Variants in GRM7 observed in about 807,000 individuals in gnomAD.
GRM7 encodes metabotropic glutamate receptor 7.
A neutral mutation model predicts 84.5 loss-of-function variants in GRM7; 35 were observed. That is an observed-to-expected ratio of 0.41 (90% CI 0.32 to 0.55). GRM7 has a LOEUF of 0.55. GRM7 is among the 20% of genes least tolerant of loss of function. The probability of loss-of-function intolerance (pLI) is 0.19; values close to 1 mark genes in which losing one functional copy is unlikely to be tolerated. For missense variants in GRM7, 1,003 were observed against 1,194.6 expected (o/e 0.84, Z 2.36); for synonymous variants, 487 against 455.1 (o/e 1.07, Z -0.89).
chr3:7,440,183 A>T (rs564545432), intron 5 of GRM7, among the ~76,000 whole-genome samples: 93 of 152,274 alleles, frequency 6.1e-4, no homozygotes, highest in African/African-American at 2.1e-3. Context: ...ATTTCTGAGA[A>T]TGTTCTAGAG....
chr3:7,345,436 T>C (rs1692847536), intron 4 of GRM7, among the ~76,000 whole-genome samples: 1 of 151,980 alleles, frequency 6.6e-6, no homozygotes, highest in African/African-American at 2.4e-5. Flanking sequence ...CCCGCCACCA[T>C]GCCTGGCTTA....
intron 8 of GRM7, among the ~76,000 whole-genome samples, chr3:7,620,048 C>T (rs1697283213): frequency 6.6e-6 from 1 of 152,106 alleles, no homozygotes; most frequent in Non-Finnish European, 1.5e-5. Flanking sequence ...TGTCCATGTG[C>T]TTACTTGCCT....
intron 4 of GRM7, among the ~76,000 whole-genome samples, chr3:7,351,361 A>AAAC (rs1388226999): frequency 6.7e-6 from 1 of 149,176 alleles, no homozygotes; most frequent in Admixed American, 6.7e-5. Context: ...AAAAAAAAAA[A>AAAC]AACAACTGAC....
chr3:7,595,615 G>A (rs1031438567), intron 8 of GRM7, among the ~76,000 whole-genome samples: 7 of 152,088 alleles, frequency 4.6e-5, no homozygotes, highest in African/African-American at 1.7e-4. Flanking sequence ...GAGAGTGAGA[G>A]GGCGGTCAGG....
At chr3:7,513,877 T>A (rs1462669532) in intron 7 of GRM7, among the ~76,000 whole-genome samples, 1 of 152,246 alleles carries the variant, frequency 6.6e-6, no homozygotes, top group Non-Finnish European at 1.5e-5. Flanking sequence ...GTATTTCTTT[T>A]ATTGCACTTC....
intron 2 of GRM7, among the ~76,000 whole-genome samples, chr3:7,169,270 A>G (rs1381877918): frequency 6.6e-6 from 1 of 152,204 alleles, no homozygotes; most frequent in Non-Finnish European, 1.5e-5. Flanking sequence ...ATTTCATTCT[A>G]TACCACAGTG....
At chr3:7,259,154 A>G (rs73809043) in intron 2 of GRM7, among the ~76,000 whole-genome samples, 2,810 of 152,322 alleles carry the variant, frequency 0.018, 79 homozygotes, top group African/African-American at 0.064. Flanking sequence ...TTTGGCCAGC[A>G]TGCCAAACAC....
At chr3:6,917,466 C>A (rs536417201) in intron 1 of GRM7, among the ~76,000 whole-genome samples, 1 of 146,064 alleles carries the variant, frequency 6.8e-6, no homozygotes, top group Admixed American at 6.9e-5. Context: ...CCTAGGAAAA[C>A]TGGAAATCAA....
chr3:7,637,275 T>C (rs1193493317), intron 8 of GRM7, among the ~76,000 whole-genome samples: 2 of 152,178 alleles, frequency 1.3e-5, no homozygotes, highest in African/African-American at 2.4e-5. Flanking sequence ...TCACAAAGTG[T>C]TGGGACTTTA....
chr3:7,435,679 G>GTTTTTTTTT (rs71066011), intron 5 of GRM7, among the ~76,000 whole-genome samples: 1 of 88,552 alleles, frequency 1.1e-5, no homozygotes, highest in African/African-American at 4.8e-5. Context: ...CATCCGGCTA[G>GTTTTTTTTT]TTTTTTTTTT....
chr3:7,229,611 G>C (rs997003381), intron 2 of GRM7, among the ~76,000 whole-genome samples: 14 of 150,266 alleles, frequency 9.3e-5, no homozygotes, highest in African/African-American at 3.2e-4. Context: ...AAGAATAACG[G>C]AAGGGTAAAT....
intron 1 of GRM7, among the ~76,000 whole-genome samples, chr3:6,907,834 C>T (rs1696634489): frequency 6.6e-6 from 1 of 152,098 alleles, no homozygotes; most frequent in Non-Finnish European, 1.5e-5. Context: ...TTCTTCAGGG[C>T]AAGCACACTT....
intron 1 of GRM7, among the ~76,000 whole-genome samples, chr3:6,883,738 A>G (rs1021499283): frequency 6.6e-6 from 1 of 152,230 alleles, no homozygotes; most frequent in African/African-American, 2.4e-5. Context: ...GTGAGTGGTT[A>G]TGGGAGCAGG....
intron 1 of GRM7, among the ~76,000 whole-genome samples, chr3:6,905,234 T>G (rs1386131749): frequency 6.6e-6 from 1 of 152,216 alleles, no homozygotes; most frequent in Non-Finnish European, 1.5e-5. Flanking sequence ...CGTTGTCTCA[T>G]CCTTAACTAG....
intron 4 of GRM7, among the ~76,000 whole-genome samples, chr3:7,324,810 C>T (rs1043255424): frequency 1.3e-5 from 2 of 152,058 alleles, no homozygotes; most frequent in African/African-American, 2.4e-5. Flanking sequence ...GAGTCATAGA[C>T]AAATCTCCAA....
intron 1 of GRM7, among the ~76,000 whole-genome samples, chr3:6,972,372 G>A (rs1006580898): frequency 4.6e-5 from 7 of 152,124 alleles, no homozygotes; most frequent in African/African-American, 9.6e-5. Flanking sequence ...GTGTTTCTTC[G>A]TCTTCTGATA....
chr3:7,499,822 T>C (rs1040678812), intron 7 of GRM7, among the ~76,000 whole-genome samples: 1 of 151,486 alleles, frequency 6.6e-6, no homozygotes, highest in Non-Finnish European at 1.5e-5. Flanking sequence ...TCGCCCAGGC[T>C]GGAGTGCAGT....
chr3:6,861,969 A>C lies in GRM7; in HGVS notation c.519+62A>C. 1 of 1,441,038 alleles carries C rather than the reference A, an allele frequency of 6.9e-7. No homozygotes were observed. Among genetic ancestry groups the C allele is most frequent in the Non-Finnish European group, 9.5e-7 (1 of 1,053,414 alleles). The allele number at this position is 1,441,038 out of a possible 1,614,324, so 89.3% of individuals were successfully genotyped here. ...GGCTACCTGCGCCCTTAACCCTAAA[A>C]GCTGGCTTGGACTCCGGTGGTGCGG... On this transcript the variant is annotated intron_variant, in intron 1 of 9. Coordinates refer to ENST00000357716, the MANE Select transcript of GRM7 (RefSeq NM_000844.4). This position sits in a 1 kb window ranked among gnomAD's most constrained non-coding sequence, Gnocchi z 6.4.
rs375075667 is a variant in GRM7, at chr3:6,861,413, C to A, written c.25C>A (p.Arg9Ser). 2 of 1,593,444 alleles carry A rather than the reference C, an allele frequency of 1.3e-6. No individual in the cohort carries two copies. The highest frequency in any genetic ancestry group is 1.7e-6 in the Non-Finnish European group (2 of 1,172,370). MVQLRKLL[R>S]VLTLMKFPCC... is the part of the protein sequence containing the mutation. ...CATGGTCCAGCTGAGGAAGCTGCTC[C>A]GCGTCCTGACTTTGATGAAGTTCCC... is the stretch of plus-strand genomic sequence containing the variant. Residue 9 changes from arginine (R) to serine (S), a missense_variant, in exon 1 of 10, where the codon CGC becomes AGC. Around this residue, in one of 2 missense-constraint regions of GRM7, gnomAD observed 93 missense variants for 68.6 expected, o/e 1.36. Transcript: ENST00000357716. This position sits in a 1 kb window ranked among gnomAD's most constrained non-coding sequence, Gnocchi z 6.4.
Sources: gnomAD v4.1 joint callset for allele counts (sites outside exome capture counted in the v4.1 genomes callset) on GRCh38, gnomAD v4.1.1 for gene constraint, gnomAD v4.1.1 regional missense constraint, Gnocchi (gnomAD v3.1) non-coding constraint, MANE v1.5 for transcripts, NCBI Gene and HGNC (gene_info 2026-07-23, HGNC 2026-07-21) for gene names.